The following GMDS variants were observed in gnomAD, a reference collection of about 807,000 sequenced individuals.
GMDS encodes the protein GDP-mannose 4,6-dehydratase, also known as GDP-mannose 4,6 dehydratase.
In GMDS, 20 loss-of-function variants were observed where a neutral mutation model predicts 49.9. The ratio of observed to expected loss-of-function variants is 0.40; its 90% CI spans 0.28 to 0.58. The LOEUF (loss-of-function observed/expected upper bound fraction) is 0.58. Ranked by LOEUF, GMDS falls within the 20% of genes least tolerant of loss-of-function variation. The pLI is 0.42. For synonymous variants in GMDS, 177 were observed against 178.6 expected (o/e 0.99, Z 0.07); for missense variants, 362 against 481.4 (o/e 0.75, Z 2.32).
In GMDS at chr6:1,695,747, G is replaced by A. The variant is rs148422786; in HGVS notation, c.987+30669C>T. On this transcript the variant is annotated intron_variant, in intron 9 of 10. Transcript: ENST00000380815. The stretch of plus-strand genomic sequence containing the variant: ...CCTGTCACTCTGAGGTCCTGGCACC[G>A]CCTCTTCAGAGTCCCACGTGTTCTT... Among the ~76,000 whole-genome samples the A allele has an allele frequency of 1.1e-3, 173 of 152,158 alleles. 1 individual carries two copies. The East Asian group carries it at 0.026, about 23-fold the overall frequency.
chr6:1,949,313 G>A (rs577511042), intron 6 of GMDS, among the ~76,000 whole-genome samples: 4 of 152,156 alleles, frequency 2.6e-5, no homozygotes, highest in South Asian at 4.1e-4. Flanking sequence ...AGTAAGTGAC[G>A]TGCCCAAATG....
intron 1 of GMDS, among the ~76,000 whole-genome samples, chr6:2,185,383 T>C (rs1038407517): frequency 1.3e-5 from 2 of 152,214 alleles, no homozygotes; most frequent in Non-Finnish European, 2.9e-5. Context: ...TCAAAACTAC[T>C]GCACTTTACA....
intron 6 of GMDS, among the ~76,000 whole-genome samples, chr6:1,955,767 CAA>C (rs60939377): frequency 3.7e-5 from 4 of 107,920 alleles, no homozygotes; most frequent in African/African-American, 3.4e-5. Context: ...ATGAAGTCTT[CAA>C]AAAAAAAAAA....
intron 8 of GMDS, among the ~76,000 whole-genome samples, chr6:1,733,591 C>A (rs56171917): frequency 0.024 from 3,725 of 152,296 alleles, 161 homozygotes; most frequent in African/African-American, 0.086. Context: ...CCGAGGCAGG[C>A]GGATCACTTG....
chr6:2,050,486 C>T (rs1770320002), intron 4 of GMDS, among the ~76,000 whole-genome samples: 1 of 152,292 alleles, frequency 6.6e-6, no homozygotes, highest in Non-Finnish European at 1.5e-5. Flanking sequence ...TGAAACTATT[C>T]CAATGATTAG....
At chr6:2,127,642 C>T (rs1336417767) in intron 1 of GMDS, among the ~76,000 whole-genome samples, 1 of 152,222 alleles carries the variant, frequency 6.6e-6, no homozygotes. Context: ...AGTGATAGGG[C>T]CTGGGCCGCA....
chr6:1,923,173 T>C (rs970649981), intron 7 of GMDS, among the ~76,000 whole-genome samples: 1 of 152,184 alleles, frequency 6.6e-6, no homozygotes, highest in Non-Finnish European at 1.5e-5. Flanking sequence ...CTCCAGTATG[T>C]CTTTATCAGC....
chr6:2,155,732 T>A (rs1315199736), intron 1 of GMDS, among the ~76,000 whole-genome samples: 1 of 152,200 alleles, frequency 6.6e-6, no homozygotes, highest in East Asian at 1.9e-4. Context: ...ATAGCCATGA[T>A]ACCAGTTTCC....
chr6:2,045,816 A>G (rs1486387988), intron 4 of GMDS, among the ~76,000 whole-genome samples: 1 of 152,220 alleles, frequency 6.6e-6, no homozygotes, highest in African/African-American at 2.4e-5. Context: ...CTTAATTTCA[A>G]CAATCCCATT....
At chr6:2,162,017 T>C (rs1777427858) in intron 1 of GMDS, among the ~76,000 whole-genome samples, 1 of 152,152 alleles carries the variant, frequency 6.6e-6, no homozygotes, top group Non-Finnish European at 1.5e-5. Context: ...TATACCACAA[T>C]ATATTCACCA....
intron 7 of GMDS, among the ~76,000 whole-genome samples, chr6:1,758,181 C>T (rs1187798957): frequency 6.6e-6 from 1 of 152,220 alleles, no homozygotes; most frequent in Admixed American, 6.5e-5. Flanking sequence ...AAACTCTCTG[C>T]CGGGGCTTCT....
intron 9 of GMDS, among the ~76,000 whole-genome samples, chr6:1,680,262 C>T (rs773039624): frequency 2.0e-5 from 3 of 152,300 alleles, no homozygotes; most frequent in Admixed American, 6.5e-5. Context: ...TCTTGATGTG[C>T]GCCCTTCATC....
chr6:1,633,353 C>T (rs1417931332), intron 9 of GMDS, among the ~76,000 whole-genome samples: 3 of 152,184 alleles, frequency 2.0e-5, no homozygotes, highest in Admixed American at 6.5e-5. Context: ...AAACATTTCA[C>T]AGTCTCTTGC....
At chr6:1,750,972 G>T (rs12529650) in intron 7 of GMDS, among the ~76,000 whole-genome samples, 38,274 of 152,124 alleles carry the variant, frequency 0.25, 5,875 homozygotes, top group Non-Finnish European at 0.35. Context: ...CAAATGCGGC[G>T]GAGCCCACCA....
intron 4 of GMDS, among the ~76,000 whole-genome samples, chr6:2,004,342 C>T (rs940423071): frequency 3.3e-5 from 5 of 152,090 alleles, no homozygotes; most frequent in East Asian, 1.9e-4. Context: ...ATCAAGACGC[C>T]GCTATTTATT....
At chr6:1,756,431 TTTTTGTGTGTG>T (rs1312547990) in intron 7 of GMDS, among the ~76,000 whole-genome samples, 60 of 152,304 alleles carry the variant, frequency 3.9e-4, no homozygotes, top group African/African-American at 1.4e-3. Flanking sequence ...GTCCAGCTAA[TTTTTGTGTGTG>T]TTTTATTTTA....
At chr6:1,704,695 T>C (rs1159078304) in intron 9 of GMDS, among the ~76,000 whole-genome samples, 2 of 152,226 alleles carry the variant, frequency 1.3e-5, no homozygotes, top group Admixed American at 6.5e-5. Context: ...TGCTCACTCC[T>C]GAACTTCCGT....
intron 4 of GMDS, among the ~76,000 whole-genome samples, chr6:2,050,792 A>G (rs1770344252): frequency 2.0e-5 from 3 of 152,200 alleles, no homozygotes; most frequent in Admixed American, 1.3e-4. Context: ...TGATTATCTC[A>G]ATAGATGCAA....
chr6:1,999,438 C>A lies in GMDS; in HGVS notation c.346-38472G>T, dbSNP rs78010386. ...TAAAATATAAGTTATTTCTACAAAA[C>A]CTAGAATTTCAGGTAGAAGATGGCA... On this transcript the variant is annotated intron_variant, in intron 4 of 10. Transcript: ENST00000380815. Among the ~76,000 whole-genome samples, 842 of 150,592 alleles carry A rather than the reference C, an allele frequency of 5.6e-3. 6 individuals carry two copies. Among genetic ancestry groups the A allele is most frequent in the African/African-American group, 0.019 (787 of 40,964 alleles).
Sources: gnomAD v4.1 joint callset for allele counts (sites outside exome capture counted in the v4.1 genomes callset) on GRCh38, gnomAD v4.1.1 for gene constraint, MANE v1.5 for transcripts, NCBI Gene and HGNC (gene_info 2026-07-23, HGNC 2026-07-21) for gene names.